CCDC40: variants seen among roughly 807,000 people sequenced by gnomAD.
CCDC40 encodes coiled-coil domain-containing protein 40.
In CCDC40, 104 loss-of-function variants were observed where a neutral mutation model predicts 124.5. That is an observed-to-expected ratio of 0.84 (90% CI 0.71 to 0.98). CCDC40 has a LOEUF of 0.98. Ranked by LOEUF, CCDC40 falls within the 50% of genes least tolerant of loss-of-function variation. The pLI is 0.00. For missense variants in CCDC40, 1,463 were observed against 1,503.9 expected (o/e 0.97, Z 0.45); for synonymous variants, 580 against 602.9 (o/e 0.96, Z 0.56).
intron 2 of CCDC40, 84 bp from the exon 3 acceptor site, chr17:80,039,728 G>A: frequency 6.6e-7 from 1 of 1,522,158 alleles, no homozygotes; most frequent in Non-Finnish European, 8.9e-7. Flanking sequence ...TTTTCCCATT[G>A]ATATAATTAC....
chr17:80,048,905 T>C, intron 5 of CCDC40, 144 bp downstream of exon 5: 1 of 794,658 alleles, frequency 1.3e-6, no homozygotes, highest in Non-Finnish European at 2.1e-6. Context: ...TTATTGGCAC[T>C]GATTGACCTG....
chr17:80,065,660 C>T, intron 10 of CCDC40, 54 bp downstream of exon 10: 1 of 1,606,402 alleles, frequency 6.2e-7, no homozygotes, highest in Non-Finnish European at 8.5e-7. Context: ...GGGTCCGTGG[C>T]AGGCCCGCCC....
chr17:80,053,423 T>C (rs2037657800), intron 7 of CCDC40, among the ~76,000 whole-genome samples: 1 of 152,184 alleles, frequency 6.6e-6, no homozygotes, highest in African/African-American at 2.4e-5. Context: ...GATTTCAGAT[T>C]GGTTTGTTCT....
intron 3 of CCDC40, among the ~76,000 whole-genome samples, chr17:80,043,644 G>A (rs9897499): frequency 0.059 from 8,189 of 139,204 alleles, 778 homozygotes; most frequent in African/African-American, 0.2. Flanking sequence ...GTCTTGCCCA[G>A]GTAGCTGGGA....
chr17:80,042,089 G>A (rs757876717), intron 3 of CCDC40, among the ~76,000 whole-genome samples: 13 of 152,110 alleles, frequency 8.5e-5, no homozygotes, highest in Non-Finnish European at 1.6e-4. Flanking sequence ...GTATACAGGT[G>A]TTATACAACT....
intron 19 of CCDC40, 89 bp from the exon 20 acceptor site, chr17:80,099,438 C>T: frequency 5.4e-6 from 8 of 1,492,284 alleles, no homozygotes; most frequent in Non-Finnish European, 6.5e-6. Flanking sequence ...TCCTCTTCGG[C>T]ATTTCCTGGA....
chr17:80,046,532 C>CAATAATAATAAT (rs60431250), intron 3 of CCDC40, among the ~76,000 whole-genome samples: 11,737 of 147,208 alleles, frequency 0.08, 584 homozygotes, highest in East Asian at 0.15. Context: ...GACCCTTACT[C>CAATAATAATAAT]AATAATAATA....
chr17:80,054,186 A>C (rs2037679351), intron 7 of CCDC40, among the ~76,000 whole-genome samples: 1 of 152,164 alleles, frequency 6.6e-6, no homozygotes. Context: ...TAAACCTTAC[A>C]CACTGCTGGC....
In CCDC40 at chr17:80,087,396, T is replaced by G. The variant is rs920473566; in HGVS notation, c.2450-211T>G. 24 of 596,836 alleles carry G rather than the reference T, an allele frequency of 4.0e-5. No individual in the cohort carries two copies. The East Asian group carries it at 6.0e-4, about 15-fold the overall frequency. 37.0% of individuals were successfully genotyped at this position (596,836 alleles called of 1,614,324 possible). On this transcript the variant is annotated intron_variant, in intron 14 of 19. Transcript: ENST00000397545. The surrounding 1 kb of genome is among the most constrained non-coding windows in gnomAD (Gnocchi z 4.5). The stretch of plus-strand genomic sequence containing the variant: ...GTTGGAGGACCAGGCTTTGGGAGCT[T>G]AGCAGCCAAAAAGAGACCCCCTGTC...
At chr17:80,046,767 T>A (rs991430861) in intron 3 of CCDC40, among the ~76,000 whole-genome samples, 2 of 152,122 alleles carry the variant, frequency 1.3e-5, no homozygotes, top group African/African-American at 4.8e-5. Context: ...TTCTCTCCTT[T>A]CAAACCAGCC....
chr17:80,078,791 G>A (rs1252470671), intron 10 of CCDC40, among the ~76,000 whole-genome samples: 1 of 152,092 alleles, frequency 6.6e-6, no homozygotes, highest in Non-Finnish European at 1.5e-5. Context: ...AAACTTGCTT[G>A]TCAATTTCTG....
At chr17:80,088,146 G>A in intron 16 of CCDC40, 44 bp downstream of exon 16, 1 of 1,309,314 alleles carries the variant, frequency 7.6e-7, no homozygotes, top group Non-Finnish European at 1.1e-6. Context: ...GAAGGTCACT[G>A]CACCTACAGG....
In CCDC40 at chr17:80,042,839, G is replaced by A. The variant is rs187105236; in HGVS notation, c.552+2569G>A. ...GTTAAGGAAGTTCCCTTGTATTCTC[G>A]GTTTGTTGTATGTTGTTGGGTTGTT... On this transcript the variant is annotated intron_variant, in intron 3 of 19. Transcript: ENST00000397545. Among the ~76,000 whole-genome samples, 32 of 143,494 alleles carry A rather than the reference G, an allele frequency of 2.2e-4. 1 individual carries two copies. The East Asian group carries it at 3.9e-3, about 18-fold the overall frequency. The allele number at this position is 143,494 out of a possible 152,430, so 94.1% of individuals were successfully genotyped here. A position where few individuals can be genotyped will look rare whatever the true frequency, so the allele number is the denominator to read the frequency against.
Position 80,097,410 on chromosome 17 carries a change from G to A in CCDC40, c.3180+7G>A, listed in dbSNP as rs764901506. 5.0e-6 allele frequency: 8 copies of A among 1,613,812 alleles called. No homozygotes were observed. Among genetic ancestry groups the A allele is most frequent in the East Asian group, 2.2e-5 (1 of 44,880 alleles). ...TGGGGCCCTCAAACGACAGGTAAAC[G>A]TGTCCCAGGAGGTCCCTGGGGATGA... On this transcript the variant is annotated splice_region_variant and intron_variant, in intron 19 of 19. Coordinates refer to ENST00000397545, the MANE Select transcript of CCDC40 (RefSeq NM_017950.4).
intron 19 of CCDC40, among the ~76,000 whole-genome samples, chr17:80,098,611 C>A (rs183296025): frequency 6.6e-6 from 1 of 152,180 alleles, no homozygotes; most frequent in South Asian, 2.1e-4. Flanking sequence ...GGGGAACGTG[C>A]CTGGCACTGG....
chr17:80,067,442 C>G, intron 10 of CCDC40: 1 of 720,692 alleles, frequency 1.4e-6, no homozygotes, highest in Non-Finnish European at 2.4e-6. Flanking sequence ...CCTTCCCTCT[C>G]TTGCTCCGTG....
intron 10 of CCDC40, chr17:80,067,988 GC>G: frequency 9.3e-7 from 1 of 1,079,774 alleles, no homozygotes; most frequent in Non-Finnish European, 1.1e-6. Flanking sequence ...CCTGCAGCTT[GC>G]CACACCAAGG....
chr17:80,050,523 A>C (rs946899463), intron 7 of CCDC40, among the ~76,000 whole-genome samples: 3 of 152,136 alleles, frequency 2.0e-5, no homozygotes, highest in African/African-American at 4.8e-5. Flanking sequence ...GGCTCACTGC[A>C]ACCTCCCCCT....
At chr17:80,059,936 T>G (rs2037855821) in intron 9 of CCDC40, among the ~76,000 whole-genome samples, 1 of 152,206 alleles carries the variant, frequency 6.6e-6, no homozygotes, top group South Asian at 2.1e-4. Context: ...GGCCCGGGGC[T>G]GGGCGTTACT....
Sources: gnomAD v4.1 joint callset for allele counts (sites outside exome capture counted in the v4.1 genomes callset) on GRCh38, gnomAD v4.1.1 for gene constraint, Gnocchi (gnomAD v3.1) non-coding constraint, MANE v1.5 for transcripts, NCBI Gene and HGNC (gene_info 2026-07-23, HGNC 2026-07-21) for gene names.